ANP32B: variants seen among roughly 807,000 people sequenced by gnomAD.
ANP32B encodes acidic nuclear phosphoprotein 32 family member B, also known as acidic leucine-rich nuclear phosphoprotein 32 family member B.
A neutral mutation model predicts 32.2 loss-of-function variants in ANP32B; 6 were observed. The ratio of observed to expected loss-of-function variants is 0.19; its 90% CI spans 0.10 to 0.37. The LOEUF (loss-of-function observed/expected upper bound fraction) is 0.37, where lower values mean the gene tolerates loss of function less well. ANP32B is among the 10% of genes least tolerant of loss of function. ANP32B has a pLI of 1.00. For missense variants in ANP32B, 204 were observed against 289.2 expected (o/e 0.71, Z 2.14); for synonymous variants, 98 against 105.8 (o/e 0.93, Z 0.45).
chr9:98,000,773 G>A (rs934056209), intron 3 of ANP32B, among the ~76,000 whole-genome samples: 5 of 151,766 alleles, frequency 3.3e-5, no homozygotes, highest in African/African-American at 4.8e-5. Context: ...ATACAAAAAA[G>A]TACCCAGGCG....
intron 2 of ANP32B, among the ~76,000 whole-genome samples, chr9:97,996,372 A>C (rs1298010276): frequency 6.6e-6 from 1 of 152,138 alleles, no homozygotes; most frequent in East Asian, 1.9e-4. Context: ...CAGAATTCTG[A>C]ATAGAGCTTG....
At chr9:98,006,129 T>C (rs1015955860) in intron 4 of ANP32B, among the ~76,000 whole-genome samples, 1 of 152,176 alleles carries the variant, frequency 6.6e-6, no homozygotes, top group Non-Finnish European at 1.5e-5. Context: ...GAGGTGGTGA[T>C]GCTAGCACTG....
At chr9:97,984,855 A>G (rs1436252228) in intron 1 of ANP32B, among the ~76,000 whole-genome samples, 1 of 147,828 alleles carries the variant, frequency 6.8e-6, no homozygotes, top group African/African-American at 2.5e-5. Flanking sequence ...GGCGCGCGGG[A>G]TTTTGGGCGG....
At chr9:97,992,533 A>G (rs1827845179) in intron 1 of ANP32B, among the ~76,000 whole-genome samples, 1 of 152,104 alleles carries the variant, frequency 6.6e-6, no homozygotes, top group Admixed American at 6.5e-5. Context: ...AGTGTGGCTA[A>G]CTCTTAATTC....
At chr9:98,009,265 A>G (rs774983281) in intron 4 of ANP32B, among the ~76,000 whole-genome samples, 2 of 152,256 alleles carry the variant, frequency 1.3e-5, no homozygotes, top group Admixed American at 6.5e-5. Context: ...GATTTTAAGA[A>G]ATAACTAATA....
rs556665966 is a variant in ANP32B at position 98,012,028 on chromosome 9, G to T, written c.637-393G>T. 2.0e-5 allele frequency among the ~76,000 whole-genome samples: 3 copies of T among 152,266 alleles called. No homozygotes were observed. In the East Asian group the frequency reaches 5.8e-4, roughly 29 times the overall value. ...TTTGTAGTATAAAAATAAGGCTTGG[G>T]GTTTGTGTGATGTCATTAGGTGTAT... On this transcript the variant is annotated intron_variant, in intron 5 of 6. Transcript: ENST00000339399.
At chr9:98,014,870 A>G (rs1241906135) in intron 6 of ANP32B, among the ~76,000 whole-genome samples, 1 of 152,204 alleles carries the variant, frequency 6.6e-6, no homozygotes, top group East Asian at 1.9e-4. Flanking sequence ...CTCATGCCTC[A>G]TCATCCAGAG....
chr9:98,008,613 A>G (rs1047492202), intron 4 of ANP32B, among the ~76,000 whole-genome samples: 4 of 152,154 alleles, frequency 2.6e-5, no homozygotes, highest in African/African-American at 9.7e-5. Flanking sequence ...TCCATTTCCA[A>G]TATCCTATCT....
chr9:97,990,183 A>G (rs919923026), intron 1 of ANP32B, among the ~76,000 whole-genome samples: 1 of 152,236 alleles, frequency 6.6e-6, no homozygotes, highest in Non-Finnish European at 1.5e-5. Context: ...TAAGTTAGGT[A>G]TATAAGCCCT....
chr9:98,014,694 C>G (rs993193694), intron 6 of ANP32B, among the ~76,000 whole-genome samples: 1 of 152,160 alleles, frequency 6.6e-6, no homozygotes, highest in Non-Finnish European at 1.5e-5. Context: ...AGAGGTTAAG[C>G]TTGTCTGAGA....
At chr9:98,003,167 A>G (rs1373225418) in intron 3 of ANP32B, among the ~76,000 whole-genome samples, 2 of 152,230 alleles carry the variant, frequency 1.3e-5, no homozygotes, top group African/African-American at 4.8e-5. Context: ...TAAAACGTCA[A>G]GGAACTGACT....
chr9:98,015,132 A>T (rs918206696), intron 6 of ANP32B, among the ~76,000 whole-genome samples: 1 of 152,204 alleles, frequency 6.6e-6, no homozygotes, highest in Non-Finnish European at 1.5e-5. Flanking sequence ...CTTAAAATCG[A>T]GGAAACTGGA....
At chr9:97,987,647 TAGAA>T (rs902737414) in intron 1 of ANP32B, 11 of 152,240 alleles carry the variant, frequency 7.2e-5, no homozygotes, top group Non-Finnish European at 1.2e-4. Context: ...CATTCAAAGT[TAGAA>T]AGCCAAGCAG....
At chr9:97,988,419 AACC>A (rs1207814230) in intron 1 of ANP32B, among the ~76,000 whole-genome samples, 2 of 152,112 alleles carry the variant, frequency 1.3e-5, no homozygotes, top group African/African-American at 4.8e-5. Context: ...CACATTGGAG[AACC>A]ACTAATAGAG....
chr9:97,996,741 G>A (rs1003265073), intron 2 of ANP32B, among the ~76,000 whole-genome samples: 24 of 151,480 alleles, frequency 1.6e-4, no homozygotes, highest in African/African-American at 5.8e-4. Flanking sequence ...TTACAGACAT[G>A]CACCACCACG....
chr9:97,989,218 A>G (rs1827785718), intron 1 of ANP32B, among the ~76,000 whole-genome samples: 1 of 152,202 alleles, frequency 6.6e-6, no homozygotes, highest in Non-Finnish European at 1.5e-5. Context: ...TCATAGAGGT[A>G]GTGTTATAAA....
chr9:97,997,221 A>T (rs768345528), intron 2 of ANP32B, among the ~76,000 whole-genome samples: 1 of 152,210 alleles, frequency 6.6e-6, no homozygotes, highest in Non-Finnish European at 1.5e-5. Flanking sequence ...TTATGGGCTT[A>T]TGTTTTTAAA....
intron 5 of ANP32B, 23 bp downstream of exon 5, chr9:98,011,412 C>G: frequency 6.4e-7 from 1 of 1,571,110 alleles, no homozygotes; most frequent in South Asian, 1.2e-5. Flanking sequence ...GTTTTCTACC[C>G]TGCTTCCTAT....
chr9:97,999,599 GCTT>G (rs934280111), intron 3 of ANP32B, among the ~76,000 whole-genome samples: 1 of 152,220 alleles, frequency 6.6e-6, no homozygotes, highest in Non-Finnish European at 1.5e-5. Context: ...TGGGCAAACT[GCTT>G]CTTCTCTCTG....
Sources: allele counts gnomAD v4.1 joint callset (sites outside exome capture counted in the v4.1 genomes callset), GRCh38; gene constraint gnomAD v4.1.1; transcripts MANE v1.5; gene names NCBI Gene and HGNC (gene_info 2026-07-23, HGNC 2026-07-21).